The following ANKRD28 variants were observed in gnomAD, a reference collection of about 807,000 sequenced individuals.
The protein encoded by ANKRD28 is serine/threonine-protein phosphatase 6 regulatory ankyrin repeat subunit A.
Under a neutral mutation model 126.5 loss-of-function variants are expected in ANKRD28, and 44 were observed. That is an observed-to-expected ratio of 0.35 (90% CI 0.27 to 0.45). The LOEUF is 0.45. Ranked by LOEUF, ANKRD28 falls within the 20% of genes least tolerant of loss-of-function variation. The pLI, the probability that ANKRD28 is intolerant of heterozygous loss-of-function variation, is 1.00. For missense variants in ANKRD28, 1,110 were observed against 1,316.6 expected (o/e 0.84, Z 2.43); for synonymous variants, 442 against 468.5 (o/e 0.94, Z 0.73).
chr3:15,729,362 C>T (rs1398158220), intron 6 of ANKRD28, among the ~76,000 whole-genome samples: 2 of 152,164 alleles, frequency 1.3e-5, no homozygotes, highest in Non-Finnish European at 2.9e-5. Context: ...TTATACTAGT[C>T]CTTGAAGAAA....
intron 4 of ANKRD28, among the ~76,000 whole-genome samples, chr3:15,743,593 C>CACAT (rs71064221): frequency 2.0e-4 from 28 of 141,830 alleles, no homozygotes; most frequent in Non-Finnish European, 2.8e-4. Flanking sequence ...CACACACACA[C>CACAT]GCACACCAAA....
At chr3:15,754,736 C>T (rs1015196057) in intron 3 of ANKRD28, among the ~76,000 whole-genome samples, 13 of 152,064 alleles carry the variant, frequency 8.5e-5, no homozygotes, top group Admixed American at 3.9e-4. Flanking sequence ...GGTGCTTATA[C>T]GTTTGTGTTG....
chr3:15,718,583 G>A (rs7615295), intron 8 of ANKRD28, among the ~76,000 whole-genome samples: 286 of 151,992 alleles, frequency 1.9e-3, no homozygotes, highest in African/African-American at 6.5e-3. Context: ...AGAATCAAGT[G>A]ATTCATTATC....
chr3:15,850,803 C>A (rs1391338912), intron 1 of ANKRD28, among the ~76,000 whole-genome samples: 1 of 152,190 alleles, frequency 6.6e-6, no homozygotes, highest in East Asian at 1.9e-4. Flanking sequence ...AACTGCTCCA[C>A]CAAATTAATC....
intron 1 of ANKRD28, among the ~76,000 whole-genome samples, chr3:15,820,087 G>A (rs2060911326): frequency 6.6e-6 from 1 of 152,130 alleles, no homozygotes; most frequent in South Asian, 2.1e-4. Context: ...GAAAACATTA[G>A]GTAAAGGGTT....
intron 15 of ANKRD28, 37 bp from the exon 16 acceptor site, chr3:15,695,251 G>A (rs1466960729): frequency 1.4e-6 from 2 of 1,468,820 alleles, no homozygotes; most frequent in South Asian, 2.4e-5. Context: ...TTTAGCTTGG[G>A]AAGTATTCAT....
At chr3:15,856,754 T>C (rs1240624640) in intron 1 of ANKRD28, among the ~76,000 whole-genome samples, 2 of 152,244 alleles carry the variant, frequency 1.3e-5, no homozygotes, top group Non-Finnish European at 2.9e-5. Flanking sequence ...ACTGATTTTA[T>C]GTTTAAACCA....
At chr3:15,849,582 G>C (rs1332329808) in intron 1 of ANKRD28, among the ~76,000 whole-genome samples, 2 of 152,144 alleles carry the variant, frequency 1.3e-5, no homozygotes, top group African/African-American at 4.8e-5. Context: ...ATACCAGGGA[G>C]AGAAAAATAA....
At chr3:15,734,121 G>A (rs539479099) in intron 6 of ANKRD28, among the ~76,000 whole-genome samples, 3 of 152,264 alleles carry the variant, frequency 2.0e-5, no homozygotes, top group South Asian at 2.1e-4. Context: ...GCTCATACAC[G>A]GAGAGCCAAC....
intron 2 of ANKRD28, among the ~76,000 whole-genome samples, chr3:15,782,142 C>T (rs545211279): frequency 6.6e-6 from 1 of 151,990 alleles, no homozygotes; most frequent in East Asian, 1.9e-4. Context: ...ACCTACATAC[C>T]CACAAAGAAT....
chr3:15,850,230 G>T (rs375292847), intron 1 of ANKRD28, among the ~76,000 whole-genome samples: 4,474 of 70,088 alleles, frequency 0.064, 153 homozygotes, highest in African/African-American at 0.1. Flanking sequence ...TATATAGAGA[G>T]AGAGAGAGAG....
Position 15,724,495 on chromosome 3 carries a change from A to T in ANKRD28, c.670T>A (p.Ser224Thr). Residue 224 changes from serine (S) to threonine (T), a missense_variant, in exon 7 of 28, where the codon TCG (serine) becomes ACG (threonine). Transcript: ENST00000683139. ...GHIEVVKLLV[S>T]HGAEVTCKDK... ...TTGCATGTCACTTCAGCTCCATGCG[A>T]CACAAGCAATTTCACTACTTCAATG... 6.3e-7 allele frequency: 1 copy of T among 1,589,044 alleles called. No homozygotes were observed. Among genetic ancestry groups the T allele is most frequent in the Non-Finnish European group, 8.6e-7 (1 of 1,166,594 alleles).
intron 1 of ANKRD28, among the ~76,000 whole-genome samples, chr3:15,840,684 A>G (rs1403740706): frequency 2.0e-5 from 3 of 152,234 alleles, no homozygotes; most frequent in Non-Finnish European, 4.4e-5. Context: ...GTATTAGCAT[A>G]AAAAGACACA....
Position 15,817,187 on chromosome 3 carries a change from G to T in ANKRD28, c.28-21881C>A, listed in dbSNP as rs2060849514. On this transcript the variant is annotated intron_variant, in intron 1 of 27. Coordinates refer to the ANKRD28 transcript ENST00000399451. The surrounding 1 kb of genome is among the most constrained non-coding windows in gnomAD (Gnocchi z 4.5). ...TCCACTCTACGATTTTCCTTAACAT[G>T]TAACAGTGATGAACAATTTCTCACG... 6.6e-6 allele frequency among the ~76,000 whole-genome samples: 1 copy of T among 152,102 alleles called. No homozygotes were observed. Among genetic ancestry groups the T allele is most frequent in the Non-Finnish European group, 1.5e-5 (1 of 68,026 alleles).
intron 4 of ANKRD28, among the ~76,000 whole-genome samples, chr3:15,749,652 A>G (rs567659272): frequency 4.8e-4 from 73 of 152,188 alleles, no homozygotes; most frequent in Non-Finnish European, 1.0e-3. Flanking sequence ...CTGGGATTCA[A>G]GGACTACTGT....
At chr3:15,796,192 CAT>C (rs2060266500) in intron 1 of ANKRD28, among the ~76,000 whole-genome samples, 1 of 151,900 alleles carries the variant, frequency 6.6e-6, no homozygotes, top group African/African-American at 2.4e-5. Context: ...GAGATTAAGA[CAT>C]AGTAAAGACT....
rs2060823920 is a variant in ANKRD28 at position 15,815,957 on chromosome 3, G to A, written c.28-20651C>T. On this transcript the variant is annotated intron_variant, in intron 1 of 27. Transcript: ENST00000399451. This position sits in a 1 kb window ranked among gnomAD's most constrained non-coding sequence, Gnocchi z 4.1. ...CATTTAAAAAGTTAATGTCTTCCCT[G>A]AGTCATGTATTTTAAACAAAGGTTT... Among the ~76,000 whole-genome samples the A allele has an allele frequency of 6.6e-6, 1 of 152,140 alleles. No individual in the cohort carries two copies. Among genetic ancestry groups the A allele is most frequent in the African/African-American group, 2.4e-5 (1 of 41,426 alleles).
chr3:15,832,400 A>C (rs1040281571), intron 1 of ANKRD28, among the ~76,000 whole-genome samples: 3 of 152,232 alleles, frequency 2.0e-5, no homozygotes, highest in African/African-American at 7.2e-5. Flanking sequence ...GGAATCTTTA[A>C]GCTCAAGATT....
At chr3:15,858,906 GTAAC>G (rs1351348383) in intron 1 of ANKRD28, among the ~76,000 whole-genome samples, 1 of 152,342 alleles carries the variant, frequency 6.6e-6, no homozygotes, top group East Asian at 1.9e-4. Flanking sequence ...CTTGCATTGA[GTAAC>G]TAGTCGCTAA....
Sources: allele counts gnomAD v4.1 joint callset (sites outside exome capture counted in the v4.1 genomes callset), GRCh38; gene constraint gnomAD v4.1.1; non-coding constraint Gnocchi (gnomAD v3.1); transcripts MANE v1.5; gene names NCBI Gene and HGNC (gene_info 2026-07-23, HGNC 2026-07-21).